The following ANO2 variants were observed in gnomAD, a reference collection of about 807,000 sequenced individuals.
ANO2 encodes the protein anoctamin-2.
In ANO2, 101 loss-of-function variants were observed where a neutral mutation model predicts 124.2. The ratio of observed to expected loss-of-function variants is 0.81; its 90% CI spans 0.69 to 0.96. ANO2 has a LOEUF of 0.96. Ranked by LOEUF, ANO2 falls within the 40% of genes least tolerant of loss-of-function variation. The pLI, the probability that ANO2 is intolerant of heterozygous loss-of-function variation, is 0.00. For synonymous variants in ANO2, 486 were observed against 482.5 expected (o/e 1.01, Z -0.09); for missense variants, 1,293 against 1,274.5 (o/e 1.01, Z -0.22).
chr12:5,722,920 A>G (rs1359280157), intron 14 of ANO2, among the ~76,000 whole-genome samples: 1 of 152,190 alleles, frequency 6.6e-6, no homozygotes, highest in East Asian at 1.9e-4. Context: ...TTTTCTGAAG[A>G]TGCTTTCATG....
At chr12:5,729,231 T>C (rs566888936) in intron 14 of ANO2, among the ~76,000 whole-genome samples, 2 of 152,310 alleles carry the variant, frequency 1.3e-5, no homozygotes, top group East Asian at 3.9e-4. Flanking sequence ...GTAATCCAAA[T>C]ATATAAAGAA....
intron 14 of ANO2, among the ~76,000 whole-genome samples, chr12:5,717,923 T>C (rs1950080840): frequency 6.6e-6 from 1 of 152,340 alleles, no homozygotes; most frequent in African/African-American, 2.4e-5. Flanking sequence ...CAATCTCACT[T>C]GGGCTGCCCC....
At chr12:5,760,554 G>T (rs1764436246) in intron 10 of ANO2, among the ~76,000 whole-genome samples, 1 of 152,138 alleles carries the variant, frequency 6.6e-6, no homozygotes, top group Non-Finnish European at 1.5e-5. Flanking sequence ...GAGTGTAACT[G>T]CTAGCTTTTA....
chr12:5,914,361 G>A (rs989021686), intron 3 of ANO2, among the ~76,000 whole-genome samples: 3 of 152,156 alleles, frequency 2.0e-5, no homozygotes, highest in Non-Finnish European at 2.9e-5. Flanking sequence ...TCCAGGCTCT[G>A]CCAGACCTAC....
At chr12:5,746,103 C>T (rs1362752178) in intron 11 of ANO2, among the ~76,000 whole-genome samples, 2 of 152,188 alleles carry the variant, frequency 1.3e-5, no homozygotes, top group African/African-American at 2.4e-5. Flanking sequence ...TTTAACTTAG[C>T]GGTTTTTTCT....
At chr12:5,800,140 AAAGG>A (rs1952994943) in intron 9 of ANO2, among the ~76,000 whole-genome samples, 1 of 152,168 alleles carries the variant, frequency 6.6e-6, no homozygotes, top group African/African-American at 2.4e-5. Context: ...GCTGAGACAC[AAAGG>A]AAGGGGGGAG....
intron 21 of ANO2, 136 bp downstream of exon 21, chr12:5,578,230 G>T: frequency 7.5e-7 from 1 of 1,327,676 alleles, no homozygotes; most frequent in South Asian, 1.4e-5. Context: ...CTGCACTTCA[G>T]GATATGAGGA....
chr12:5,589,625 G>A (rs950778032), intron 20 of ANO2, among the ~76,000 whole-genome samples: 2 of 152,082 alleles, frequency 1.3e-5, no homozygotes, highest in Non-Finnish European at 2.9e-5. Context: ...TTGAAGAATC[G>A]GCCCTTGGGA....
intron 14 of ANO2, among the ~76,000 whole-genome samples, chr12:5,716,264 C>T (rs560721178): frequency 6.6e-6 from 1 of 152,268 alleles, no homozygotes; most frequent in South Asian, 2.1e-4. Flanking sequence ...ATGTGCTGAG[C>T]CAAAAGGTGG....
intron 15 of ANO2, among the ~76,000 whole-genome samples, chr12:5,645,013 A>G (rs919240425): frequency 2.6e-5 from 4 of 151,598 alleles, no homozygotes; most frequent in African/African-American, 9.7e-5. Context: ...ATACTCTATA[A>G]TTTCACTATG....
chr12:5,739,242 A>T (rs983385083), intron 13 of ANO2, 75 bp downstream of exon 13: 1 of 1,317,482 alleles, frequency 7.6e-7, no homozygotes, highest in South Asian at 1.3e-5. Context: ...TATCTCACTC[A>T]AGAGAGTCCA....
At chr12:5,911,664 A>G (rs1412767527) in intron 3 of ANO2, among the ~76,000 whole-genome samples, 1 of 152,208 alleles carries the variant, frequency 6.6e-6, no homozygotes, top group East Asian at 1.9e-4. Flanking sequence ...TAGGGAGATA[A>G]TAACTTTGCT....
intron 3 of ANO2, among the ~76,000 whole-genome samples, chr12:5,914,500 C>T (rs113605801): frequency 6.6e-5 from 10 of 152,304 alleles, no homozygotes; most frequent in Non-Finnish European, 1.0e-4. Flanking sequence ...CTCCACCTCC[C>T]GAAAGCAGCT....
intron 7 of ANO2, among the ~76,000 whole-genome samples, chr12:5,819,345 GGA>G (rs1953712207): frequency 6.6e-6 from 1 of 152,114 alleles, no homozygotes; most frequent in African/African-American, 2.4e-5. Context: ...ACAGAAATCT[GGA>G]TAACAGGCAT....
chr12:5,830,532 C>T (rs756865129), intron 5 of ANO2, 43 bp from the exon 6 acceptor site: 17 of 1,577,956 alleles, frequency 1.1e-5, no homozygotes, highest in Non-Finnish European at 1.5e-5. Flanking sequence ...ATTTCATTAC[C>T]CTTGCCCTGA....
At chr12:5,825,174 G>A (rs937862048) in intron 7 of ANO2, among the ~76,000 whole-genome samples, 5 of 152,200 alleles carry the variant, frequency 3.3e-5, no homozygotes, top group African/African-American at 9.6e-5. Flanking sequence ...CTAAAGAAGT[G>A]TGGCAGTGGA....
chr12:5,945,464 C>T (rs968950029), upstream of ANO2, among the ~76,000 whole-genome samples: 2 of 152,202 alleles, frequency 1.3e-5, no homozygotes, highest in Admixed American at 6.5e-5. Flanking sequence ...GTCCCGCGGC[C>T]GGGTTGAGTC....
At chr12:5,640,037 G>A (rs1329672078) in intron 15 of ANO2, among the ~76,000 whole-genome samples, 1 of 152,120 alleles carries the variant, frequency 6.6e-6, no homozygotes, top group Non-Finnish European at 1.5e-5. Flanking sequence ...AAACAGGAGG[G>A]ACCATTCAAA....
Position 5,744,189 on chromosome 12 carries a change from G to T in ANO2, c.1319C>A (p.Thr440Asn). The T allele has an allele frequency of 6.2e-7, 1 of 1,613,162 alleles. No individual in the cohort carries two copies. Among genetic ancestry groups the T allele is most frequent in the Non-Finnish European group, 8.5e-7 (1 of 1,179,880 alleles). Residue 440 changes from threonine (T) to asparagine (N), a missense_variant, in exon 12 of 25, where the codon ACC becomes AAC. Transcript: ENST00000682330. ...QASHLFDNPA[T>N]VFFSIFMALW... ...AGCCATGAAGATAGAGAAGAAGACG[G>T]TGGCAGGGTTGTCAAACAGGTGGCT...
Sources: gnomAD v4.1 joint callset for allele counts (sites outside exome capture counted in the v4.1 genomes callset) on GRCh38, gnomAD v4.1.1 for gene constraint, MANE v1.5 for transcripts, NCBI Gene and HGNC (gene_info 2026-07-23, HGNC 2026-07-21) for gene names.